Variants in LEMD3 observed in about 807,000 individuals in gnomAD.
LEMD3 encodes inner nuclear membrane protein Man1.
A neutral mutation model predicts 95.2 loss-of-function variants in LEMD3; 33 were observed. The observed-to-expected ratio is 0.35, with a 90% confidence interval of 0.26 to 0.46. The LOEUF is 0.46. LEMD3 is among the 20% of genes least tolerant of loss of function. LEMD3 has a pLI of 1.00. For synonymous variants in LEMD3, 525 were observed against 474.6 expected, an observed-to-expected ratio of 1.11 and a Z score of -1.38; for missense variants, 1,210 against 1,192.8, an observed-to-expected ratio of 1.01 and a Z score of -0.21.
Position 65,170,804 on chromosome 12 carries a change from C to G in LEMD3, c.1208C>G (p.Pro403Arg), listed in dbSNP as rs928200603. 1.9e-6 allele frequency: 3 copies of G among 1,614,088 alleles called. No individual in the cohort carries two copies. Among genetic ancestry groups the G allele is most frequent in the African/African-American group, 2.7e-5 (2 of 74,932 alleles). The change falls in exon 1 of 13, where the codon CCC (proline) becomes CGC (arginine). Residue 403 changes from proline to arginine, a missense_variant. Physicochemically the swap from Pro to Arg is moderately radical, Grantham distance 103. Around this residue, in one of 2 missense-constraint regions of LEMD3, gnomAD observed 749 missense variants for 622.9 expected, o/e 1.20. Transcript: ENST00000308330. ...IGGGAFSVDS[P>R]RIYSNSLPPS... Reference sequence around the variant, plus strand: ...GGTGGGGCCTTCAGTGTGGACTCCCCCAGGATTTATTCTAACAGTCTCCCT... The same window carrying G: ...GGTGGGGCCTTCAGTGTGGACTCCCGCAGGATTTATTCTAACAGTCTCCCT...
intron 11 of LEMD3, 22 bp from the exon 12 acceptor site, chr12:65,245,839 T>G (rs750289858): frequency 2.5e-6 from 2 of 803,308 alleles, no homozygotes; most frequent in Admixed American, 4.2e-5. Context: ...AAGACTATTT[T>G]CTTTCTTTTT....
At chr12:65,179,199 A>G (rs1868824575) in intron 1 of LEMD3, among the ~76,000 whole-genome samples, 1 of 152,194 alleles carries the variant, frequency 6.6e-6, no homozygotes, top group Admixed American at 6.5e-5. Flanking sequence ...TAGGATATAA[A>G]GAACTTTTCA....
chr12:65,210,906 T>G lies in LEMD3; in HGVS notation c.1523-20T>G, dbSNP rs1361475159. On this transcript the variant is annotated intron_variant, in intron 1 of 12. Coordinates refer to ENST00000308330, the MANE Select transcript of LEMD3 (RefSeq NM_014319.5). ...TTCGTAAGTGATGCTAATACTTGTCTTTTTTTCCTTCCTTGATAGTAGAAA... is the reference window on the plus strand; with the variant it reads ...TTCGTAAGTGATGCTAATACTTGTCGTTTTTTCCTTCCTTGATAGTAGAAA... 2 of 1,571,026 alleles carry G rather than the reference T, an allele frequency of 1.3e-6. No homozygotes were observed. Among genetic ancestry groups the G allele is most frequent in the South Asian group, 1.1e-5 (1 of 90,358 alleles).
chr12:65,246,045 A>G, intron 12 of LEMD3, 106 bp downstream of exon 12: 1 of 1,264,196 alleles, frequency 7.9e-7, no homozygotes, highest in Non-Finnish European at 1.1e-6. Flanking sequence ...TTTTTTGAGT[A>G]ATAATTTTAG....
chr12:65,180,610 T>C (rs1868871805), intron 1 of LEMD3, among the ~76,000 whole-genome samples: 1 of 152,182 alleles, frequency 6.6e-6, no homozygotes, highest in African/African-American at 2.4e-5. Flanking sequence ...TTCATATGTC[T>C]TCATTTTCTT....
chr12:65,183,136 A>G (rs1565780719), intron 1 of LEMD3, among the ~76,000 whole-genome samples: 1 of 152,214 alleles, frequency 6.6e-6, no homozygotes, highest in Non-Finnish European at 1.5e-5. Context: ...TAAGCCACAC[A>G]GTAGCCACGT....
intron 1 of LEMD3, among the ~76,000 whole-genome samples, chr12:65,183,115 C>T (rs1868955991): frequency 6.6e-6 from 1 of 152,026 alleles, no homozygotes; most frequent in South Asian, 2.1e-4. Context: ...CAGAACCGTC[C>T]AGTAGAAATA....
intron 1 of LEMD3, among the ~76,000 whole-genome samples, chr12:65,196,041 A>G (rs555636669): frequency 6.6e-6 from 1 of 152,188 alleles, no homozygotes; most frequent in Admixed American, 6.6e-5. Flanking sequence ...TCTGAGCTCA[A>G]GATTTTGACC....
At chr12:65,204,851 T>C (rs1172994184) in intron 1 of LEMD3, among the ~76,000 whole-genome samples, 1 of 152,214 alleles carries the variant, frequency 6.6e-6, no homozygotes, top group East Asian at 1.9e-4. Flanking sequence ...GTTACAGATA[T>C]CTCAAACTGA....
intron 1 of LEMD3, among the ~76,000 whole-genome samples, chr12:65,197,722 A>G (rs1490930483): frequency 6.6e-6 from 1 of 152,072 alleles, no homozygotes; most frequent in Non-Finnish European, 1.5e-5. Context: ...AATTCAGTTT[A>G]TATGTTTGTT....
chr12:65,196,654 G>A (rs1267810138), intron 1 of LEMD3, among the ~76,000 whole-genome samples: 3 of 152,054 alleles, frequency 2.0e-5, no homozygotes, highest in Non-Finnish European at 2.9e-5. Flanking sequence ...TCTCTGTCAT[G>A]ACTTACAGGC....
intron 2 of LEMD3, among the ~76,000 whole-genome samples, chr12:65,214,570 C>T (rs1427586913): frequency 6.6e-6 from 1 of 152,020 alleles, no homozygotes; most frequent in South Asian, 2.1e-4. Flanking sequence ...AGCATGCCAC[C>T]CATAGTGTGC....
intron 4 of LEMD3, 134 bp from the exon 5 acceptor site, chr12:65,238,368 A>T: frequency 1.6e-6 from 1 of 638,746 alleles, no homozygotes; most frequent in Non-Finnish European, 2.7e-6. Flanking sequence ...CATTCTTTTT[A>T]AAATTTTCTG....
chr12:65,230,299 T>G (rs974170066), intron 4 of LEMD3, among the ~76,000 whole-genome samples: 1 of 152,190 alleles, frequency 6.6e-6, no homozygotes, highest in African/African-American at 2.4e-5. Flanking sequence ...CCATATGAAC[T>G]TTAGAATTGT....
chr12:65,220,701 G>T (rs947062664), intron 4 of LEMD3, among the ~76,000 whole-genome samples: 1 of 152,114 alleles, frequency 6.6e-6, no homozygotes, highest in Non-Finnish European at 1.5e-5. Flanking sequence ...TATAGTTTCA[G>T]GTCTTACATT....
chr12:65,234,897 A>G (rs921195189), intron 4 of LEMD3, among the ~76,000 whole-genome samples: 5 of 152,164 alleles, frequency 3.3e-5, no homozygotes, highest in African/African-American at 1.2e-4. Context: ...ATTTGCACTA[A>G]TAACCTTGGG....
intron 10 of LEMD3, chr12:65,245,297 ATT>A (rs531377376): frequency 1.6e-3 from 277 of 169,754 alleles, no homozygotes; most frequent in East Asian, 4.6e-3. Flanking sequence ...CGCCTGGCTA[ATT>A]TTTTTTTTTT....
intron 8 of LEMD3, 39 bp downstream of exon 8, chr12:65,240,277 A>G: frequency 7.0e-7 from 1 of 1,420,204 alleles, no homozygotes; most frequent in Non-Finnish European, 1.0e-6. Context: ...AAATCAGAAA[A>G]TTTAAGTGCT....
At chr12:65,171,254 A>G (rs922384745) in intron 1 of LEMD3, 136 bp downstream of exon 1, 1 of 1,456,228 alleles carries the variant, frequency 6.9e-7, no homozygotes, top group South Asian at 1.2e-5. Flanking sequence ...CAGTGCGTGC[A>G]TGTGTCATCT....
Sources: gnomAD v4.1 joint callset for allele counts (sites outside exome capture counted in the v4.1 genomes callset) on GRCh38, gnomAD v4.1.1 for gene constraint, gnomAD v4.1.1 regional missense constraint, MANE v1.5 for transcripts, NCBI Gene and HGNC (gene_info 2026-07-23, HGNC 2026-07-21) for gene names.